MARCHF1: variants seen among roughly 807,000 people sequenced by gnomAD.
MARCHF1 encodes E3 ubiquitin-protein ligase MARCHF1.
In MARCHF1, 40 loss-of-function variants were observed where a neutral mutation model predicts 54.2. The observed-to-expected ratio is 0.74, with a 90% CI of 0.57 to 0.96. The LOEUF (loss-of-function observed/expected upper bound fraction) is 0.96, where lower values mean the gene tolerates loss of function less well. Among genes scored for constraint, MARCHF1 ranks in the 40% least tolerant of loss-of-function variants. MARCHF1 has a pLI of 0.00. For missense variants in MARCHF1, 586 were observed against 656.5 expected, an observed-to-expected ratio of 0.89 and a Z score of 1.17; for synonymous variants, 236 against 236.3, an observed-to-expected ratio of 1.00 and a Z score of 0.01.
chr4:163,955,361 A>G (rs1442025319), intron 3 of MARCHF1, among the ~76,000 whole-genome samples: 1 of 151,192 alleles, frequency 6.6e-6, no homozygotes, highest in African/African-American at 2.4e-5. Context: ...AAAAAAACAA[A>G]AACAAAGCAA....
chr4:163,986,034 A>G (rs1579441541), intron 3 of MARCHF1, among the ~76,000 whole-genome samples: 1 of 152,016 alleles, frequency 6.6e-6, no homozygotes, highest in African/African-American at 2.4e-5. Flanking sequence ...CTATTTAGTT[A>G]GCTTATCAAA....
chr4:163,832,369 C>T (rs2874465), intron 4 of MARCHF1, among the ~76,000 whole-genome samples: 121,203 of 152,042 alleles, frequency 0.8, 49,152 homozygotes, highest in South Asian at 0.9. Flanking sequence ...AAGCTTCTAT[C>T]GTTTGTATAA....
rs1028871595 is a variant in MARCHF1 at position 163,527,365 on chromosome 4, T to A, written c.*1383A>T. The A allele has an allele frequency of 3.3e-5, 5 of 152,098 alleles. No individual in the cohort carries two copies. The highest frequency in any genetic ancestry group is 7.4e-5 in the Non-Finnish European group (5 of 67,960). The allele number at this position is 152,098 out of a possible 1,614,324, so 9.4% of individuals were successfully genotyped here. A position where few individuals can be genotyped will look rare whatever the true frequency, so the allele number is the denominator to read the frequency against. On this transcript the variant is annotated 3_prime_UTR_variant, in exon 10 of 10. Coordinates refer to ENST00000514618, the MANE Select transcript of MARCHF1 (RefSeq NM_001394959.1). ...TTAAAAGTAAGGGCTAGATTCTTAG[T>A]CATAATTACTCATCATCTGTCAAGT...
In MARCHF1 at chr4:164,066,414, T is replaced by C. The variant is rs57577865; in HGVS notation, c.-248+45174A>G. 6.0e-3 allele frequency among the ~76,000 whole-genome samples: 911 copies of C among 152,286 alleles called. 17 individuals carry two copies. Among genetic ancestry groups the C allele is most frequent in the African/African-American group, 0.021 (876 of 41,558 alleles). On this transcript the variant is annotated intron_variant, in intron 2 of 9. Coordinates refer to ENST00000514618, the MANE Select transcript of MARCHF1 (RefSeq NM_001394959.1). ...AGAAAAAGGAATGTTTTTACACTGT[T>C]GGTGGGAGTGTAAATTAGTTCAGCC...
chr4:163,824,276 T>C (rs1485447937), intron 4 of MARCHF1, among the ~76,000 whole-genome samples: 1 of 152,038 alleles, frequency 6.6e-6, no homozygotes, highest in African/African-American at 2.4e-5. Flanking sequence ...ATACCAAATC[T>C]GGTGCCAAAA....
At chr4:163,989,430 C>T (rs191746356) in intron 2 of MARCHF1, among the ~76,000 whole-genome samples, 1 of 152,242 alleles carries the variant, frequency 6.6e-6, no homozygotes, top group East Asian at 1.9e-4. Context: ...CAGAAGGCAT[C>T]AGTTAGTCTG....
intron 1 of MARCHF1, among the ~76,000 whole-genome samples, chr4:164,340,635 C>T (rs1218075284): frequency 1.3e-5 from 2 of 151,588 alleles, no homozygotes; most frequent in East Asian, 3.9e-4. Flanking sequence ...ATTGGCCAGG[C>T]TGGTCTCAAA....
At chr4:163,731,329 T>G (rs75437172) in intron 4 of MARCHF1, among the ~76,000 whole-genome samples, 3,609 of 152,252 alleles carry the variant, frequency 0.024, 60 homozygotes, top group Non-Finnish European at 0.029. Context: ...CAGGCCAGAT[T>G]TATCTTCCCA....
At chr4:163,974,560 C>T (rs550615086) in intron 3 of MARCHF1, among the ~76,000 whole-genome samples, 1 of 152,294 alleles carries the variant, frequency 6.6e-6, no homozygotes, top group Non-Finnish European at 1.5e-5. Flanking sequence ...CTGCTATATC[C>T]TGTTTGAATT....
At position 163,545,612 on chromosome 4, in the gene MARCHF1, C is replaced by T. The variant is rs1738872946; in HGVS notation, c.1323G>A (p.Lys441=). The part of the protein sequence containing the change: ...VLIDRTAEEI[K]QGNDNGVLEW... Reference sequence around the variant, plus strand: ...TGCTCTTACCATTGTCATTGCCTTGCTTGATTTCCTCCGCTGTCCGGTCTA... The same window carrying T: ...TGCTCTTACCATTGTCATTGCCTTGTTTGATTTCCTCCGCTGTCCGGTCTA... Residue 441 remains lysine (K), a synonymous_variant, in exon 9 of 10, where the codon AAG becomes AAA. Transcript: ENST00000514618. The T allele has an allele frequency of 6.2e-7, 1 of 1,613,278 alleles. No individual in the cohort carries two copies.
intron 1 of MARCHF1, among the ~76,000 whole-genome samples, chr4:164,218,473 A>G (rs1022127099): frequency 1.3e-5 from 2 of 152,108 alleles, no homozygotes; most frequent in Non-Finnish European, 2.9e-5. Context: ...AGAGAAAGGA[A>G]TAGGAAGAAA....
intron 5 of MARCHF1, among the ~76,000 whole-genome samples, chr4:163,635,969 T>C (rs1030252623): frequency 2.0e-5 from 3 of 152,116 alleles, no homozygotes; most frequent in African/African-American, 7.2e-5. Flanking sequence ...TAATCCAGCA[T>C]ATAAACAGAG....
intron 4 of MARCHF1, among the ~76,000 whole-genome samples, chr4:163,712,835 T>A (rs2111260779): frequency 6.6e-6 from 1 of 152,256 alleles, no homozygotes; most frequent in African/African-American, 2.4e-5. Context: ...TTTCTGACAA[T>A]CCCTTGTTAT....
chr4:164,356,039 A>G (rs1372829591), intron 1 of MARCHF1, among the ~76,000 whole-genome samples: 1 of 136,202 alleles, frequency 7.3e-6, no homozygotes, highest in Non-Finnish European at 1.6e-5. Flanking sequence ...TGGCCATCAG[A>G]GAAATGCAAA....
intron 2 of MARCHF1, among the ~76,000 whole-genome samples, chr4:164,010,263 T>A (rs1753391928): frequency 6.6e-6 from 1 of 151,182 alleles, no homozygotes; most frequent in Non-Finnish European, 1.5e-5. Flanking sequence ...TGGTTTTTTT[T>A]TTTTTCTGTA....
At position 163,659,590 on chromosome 4, in the gene MARCHF1, G is replaced by A. The variant is rs1579167668; in HGVS notation, c.162+41223C>T. 2.0e-5 allele frequency among the ~76,000 whole-genome samples: 3 copies of A among 151,882 alleles called. 1 individual carries two copies. The highest frequency in any genetic ancestry group is 4.2e-4 in the South Asian group (2 of 4,816). Reference sequence around the variant, plus strand: ...AACTAAAGAGCTTCTGCACAGCAAAGGAAACTATCATGAGACTGAACAGGC... The same window carrying A: ...AACTAAAGAGCTTCTGCACAGCAAAAGAAACTATCATGAGACTGAACAGGC... On this transcript the variant is annotated intron_variant, in intron 5 of 9. Coordinates refer to ENST00000514618, the MANE Select transcript of MARCHF1 (RefSeq NM_001394959.1).
At position 163,759,195 on chromosome 4, in the gene MARCHF1, T is replaced by TA. The variant is rs758509548; in HGVS notation, c.112-58333dup. Among the ~76,000 whole-genome samples the TA allele has an allele frequency of 6.6e-5, 10 of 151,964 alleles. No individual in the cohort carries two copies. The East Asian group carries it at 1.7e-3, about 26-fold the overall frequency. The stretch of plus-strand genomic sequence containing the variant: ...TTGGAAAGTAGAGACCTTTTTTTTT[T>TA]AATGGTATATTGGTTTATTAATGTA... On this transcript the variant is annotated intron_variant, in intron 4 of 9. Coordinates refer to ENST00000514618, the MANE Select transcript of MARCHF1 (RefSeq NM_001394959.1).
chr4:163,740,674 A>G (rs1279840654), intron 4 of MARCHF1, among the ~76,000 whole-genome samples: 3 of 152,228 alleles, frequency 2.0e-5, no homozygotes, highest in African/African-American at 4.8e-5. Flanking sequence ...ACATTCTTAC[A>G]AAGATAGTAT....
chr4:163,740,023 A>C (rs1448153516), intron 4 of MARCHF1, among the ~76,000 whole-genome samples: 3 of 152,156 alleles, frequency 2.0e-5, no homozygotes, highest in African/African-American at 4.8e-5. Context: ...TTACTTACCA[A>C]TATGTAAATT....
Sources: allele counts gnomAD v4.1 joint callset (sites outside exome capture counted in the v4.1 genomes callset), GRCh38; gene constraint gnomAD v4.1.1; transcripts MANE v1.5; gene names NCBI Gene and HGNC (gene_info 2026-07-23, HGNC 2026-07-21).